The following CTBP1 variants were observed in gnomAD, a reference collection of about 807,000 sequenced individuals.
The protein encoded by CTBP1 is C-terminal-binding protein 1.
Under a neutral mutation model 42.1 loss-of-function variants are expected in CTBP1, and 11 were observed. The ratio of observed to expected loss-of-function variants is 0.26; its 90% CI spans 0.16 to 0.43. The LOEUF (loss-of-function observed/expected upper bound fraction) is 0.43. CTBP1 is among the 20% of genes least tolerant of loss of function. The pLI is 1.00. For synonymous variants in CTBP1, 324 were observed against 277.1 expected (o/e 1.17, Z -1.68); for missense variants, 399 against 624.3 (o/e 0.64, Z 3.85).
chr4:1,226,665 A>G (rs1265144678), intron 4 of CTBP1, among the ~76,000 whole-genome samples: 3 of 151,308 alleles, frequency 2.0e-5, no homozygotes, highest in African/African-American at 4.9e-5. Flanking sequence ...TCCACGGGTA[A>G]CAGAGATGGT....
rs574121153 is a variant in CTBP1 at position 1,248,756 on chromosome 4, A to T, written c.-189+160T>A. 2,008 of 974,516 alleles carry T rather than the reference A, an allele frequency of 2.1e-3. 12 individuals are homozygous for T. The highest frequency in any genetic ancestry group is 2.2e-3 in the Non-Finnish European group (1,850 of 825,278). The allele number at this position is 974,516 out of a possible 1,614,324, so 60.4% of individuals were successfully genotyped here. ...GACCCTTCCCGCGGTCCCGCCCCCG[A>T]CCGCGGCCACGCGCGGACGCCGGCG... On this transcript the variant is annotated intron_variant, in intron 1 of 9. Transcript: ENST00000382952.
intron 5 of CTBP1, among the ~76,000 whole-genome samples, chr4:1,220,200 CAA>C (rs567811704): frequency 2.5e-4 from 15 of 58,972 alleles, no homozygotes; most frequent in Admixed American, 4.0e-4. Flanking sequence ...GACTCTGTCT[CAA>C]AAAAAAAAAA....
At chr4:1,245,173 T>G in intron 1 of CTBP1, 1 of 985,330 alleles carries the variant, frequency 1.0e-6, no homozygotes, top group Non-Finnish European at 1.2e-6. Context: ...GACGGCAGCA[T>G]CCCTGTGAGC....
At chr4:1,243,260 A>C (rs1266055895) in intron 1 of CTBP1, 1 of 985,286 alleles carries the variant, frequency 1.0e-6, no homozygotes, top group Non-Finnish European at 1.2e-6. Flanking sequence ...TGTGTCTCTG[A>C]GGAAGAAGCA....
In CTBP1 at chr4:1,238,855, G is replaced by C. The variant is rs1166772869; in HGVS notation, c.8-518C>G. Among the ~76,000 whole-genome samples, 1 of 151,674 alleles carries C rather than the reference G, an allele frequency of 6.6e-6. No homozygotes were observed. Among genetic ancestry groups the C allele is most frequent in the African/African-American group, 2.4e-5 (1 of 41,244 alleles). On this transcript the variant is annotated intron_variant, in intron 2 of 9. Coordinates refer to ENST00000382952, the MANE Select transcript of CTBP1 (RefSeq NM_001012614.2). This position sits in a 1 kb window ranked among gnomAD's most constrained non-coding sequence, Gnocchi z 5.9. ...CCGAGACCCCAGGGCAGCTCCATGA[G>C]GCAGGGGGACAGGAGGGACCCAGGA...
chr4:1,222,209 G>A (rs1224677920), intron 5 of CTBP1, among the ~76,000 whole-genome samples: 2 of 152,156 alleles, frequency 1.3e-5, no homozygotes, highest in East Asian at 3.9e-4. Context: ...GGCGAGGGGC[G>A]GGGCGGGGGA....
At chr4:1,237,107 G>A in intron 3 of CTBP1, 1 of 668,032 alleles carries the variant, frequency 1.5e-6, no homozygotes, top group South Asian at 1.6e-5. Context: ...TGAGGCTCAG[G>A]AGAAACCGAG....
chr4:1,223,760 T>C (rs1194601534), intron 5 of CTBP1, among the ~76,000 whole-genome samples: 1 of 148,882 alleles, frequency 6.7e-6, no homozygotes, highest in African/African-American at 2.5e-5. Flanking sequence ...TCACCTGGCC[T>C]CTCCCAGCTC....
intron 3 of CTBP1, among the ~76,000 whole-genome samples, chr4:1,231,367 C>T (rs574247900): frequency 1.3e-5 from 2 of 152,358 alleles, no homozygotes; most frequent in South Asian, 2.1e-4. Flanking sequence ...CTCCCAGAAA[C>T]CACCTCAAGC....
In CTBP1 at chr4:1,230,207, G is replaced by A. The variant is rs986543276; in HGVS notation, c.163-1864C>T. 3.3e-5 allele frequency among the ~76,000 whole-genome samples: 5 copies of A among 152,018 alleles called. No individual in the cohort carries two copies. In the East Asian group the frequency reaches 5.9e-4, roughly 18 times the overall value. On this transcript the variant is annotated intron_variant, in intron 3 of 9. Transcript: ENST00000382952. ...CCTGGTGTACCACACTTGACCAGAC[G>A]TAGTGTGGACGGGGTGAGGCCACAA...
chr4:1,216,084 C>G lies in CTBP1; in HGVS notation c.636G>C (p.Leu212=), dbSNP rs780706169. The G allele has an allele frequency of 4.7e-5, 76 of 1,611,454 alleles. No homozygotes were observed. Among genetic ancestry groups the G allele is most frequent in the Non-Finnish European group, 6.4e-5 (75 of 1,179,928 alleles). ...RALGLQRVST[L]QDLLFHSDCV... is the part of the protein sequence containing the mutation. ...AGTCGCTGTGGAAGAGCAGGTCCTG[C>G]AGGGTGCTGACACGCTGCAGCCCCA... Residue 212 remains leucine (L), a synonymous_variant, in exon 6 of 10, where the codon CTG becomes CTC. Transcript: ENST00000382952.
chr4:1,249,661 G>A (rs758848254), upstream of CTBP1: 1 of 421,714 alleles, frequency 2.4e-6, no homozygotes, highest in South Asian at 1.6e-5. Flanking sequence ...TCCGAGAGCC[G>A]GCGGCACATG....
intron 3 of CTBP1, among the ~76,000 whole-genome samples, 174 bp from the exon 4 acceptor site, chr4:1,228,517 C>A (rs1343356393): frequency 3.3e-5 from 5 of 152,234 alleles, no homozygotes; most frequent in African/African-American, 1.2e-4. Flanking sequence ...CACGCGCGGC[C>A]CCTCAACCTC....
intron 7 of CTBP1, 104 bp downstream of exon 7, chr4:1,214,239 A>G: frequency 7.4e-7 from 1 of 1,350,370 alleles, no homozygotes; most frequent in Non-Finnish European, 9.6e-7. Context: ...GAGAGGCCTG[A>G]GTACAGGCAA....
intron 1 of CTBP1, chr4:1,242,680 G>A (rs1732301569): frequency 5.1e-6 from 5 of 985,306 alleles, no homozygotes; most frequent in African/African-American, 3.5e-5. Context: ...CTGACGGAGG[G>A]CCCAAGAGCA....
In CTBP1 at chr4:1,232,360, G is replaced by A. The variant is rs542734411; in HGVS notation, c.163-4017C>T. ...AGAGTCTTGCTCTGTTGCCCAGGCT[G>A]GAGTGCAGTGACACGATCTTGGCTC... On this transcript the variant is annotated intron_variant, in intron 3 of 9. Coordinates refer to ENST00000382952, the MANE Select transcript of CTBP1 (RefSeq NM_001012614.2). Among the ~76,000 whole-genome samples the A allele has an allele frequency of 1.2e-4, 18 of 152,256 alleles. No individual in the cohort carries two copies. In the South Asian group the frequency reaches 3.7e-3, roughly 32 times the overall value.
chr4:1,243,055 C>T, intron 1 of CTBP1: 1 of 985,402 alleles, frequency 1.0e-6, no homozygotes, highest in Non-Finnish European at 1.2e-6. Flanking sequence ...TTGATACCGG[C>T]TGATACTCAT....
At chr4:1,223,436 C>T in intron 5 of CTBP1, 1 of 453,700 alleles carries the variant, frequency 2.2e-6, no homozygotes, top group Non-Finnish European at 4.4e-6. Flanking sequence ...GTGTGGCCGC[C>T]TCACCGAGAC....
In CTBP1 at chr4:1,244,816, T is replaced by TG. The variant is rs1281891300; in HGVS notation, c.-188-3298dup. On this transcript the variant is annotated intron_variant, in intron 1 of 9. Coordinates refer to ENST00000382952, the MANE Select transcript of CTBP1 (RefSeq NM_001012614.2). ...CTGGGCATTGGTGAGATGCCCCCTC[T>TG]GGCTGTCCAGGCCTGGAGGCCCAAA... 1.3e-5 allele frequency: 13 copies of TG among 985,430 alleles called. No homozygotes were observed. In the African/African-American group the frequency reaches 2.1e-4, roughly 16 times the overall value. 61.0% of individuals were successfully genotyped at this position (985,430 alleles called of 1,614,324 possible).
Sources: allele counts gnomAD v4.1 joint callset (sites outside exome capture counted in the v4.1 genomes callset), GRCh38; gene constraint gnomAD v4.1.1; non-coding constraint Gnocchi (gnomAD v3.1); transcripts MANE v1.5; gene names NCBI Gene and HGNC (gene_info 2026-07-23, HGNC 2026-07-21).